GAB1: variants seen among roughly 807,000 people sequenced by gnomAD.
GAB1 encodes GRB2 associated binding protein 1.
GAB1 carries 19 observed loss-of-function variants against 66.5 expected under a neutral mutation model. The ratio of observed to expected loss-of-function variants is 0.29; its 90% CI spans 0.20 to 0.42. The LOEUF is 0.42. Among genes scored for constraint, GAB1 ranks in the 10% least tolerant of loss-of-function variants. The probability of loss-of-function intolerance (pLI) is 1.00; values close to 1 mark genes in which losing one functional copy is unlikely to be tolerated. For synonymous variants in GAB1, 294 were observed against 301.4 expected (o/e 0.98, Z 0.25); for missense variants, 732 against 858.5 (o/e 0.85, Z 1.84).
chr4:143,438,650 G>T (rs1033929073), intron 4 of GAB1, 50 bp downstream of exon 4: 27 of 1,545,656 alleles, frequency 1.7e-5, no homozygotes, highest in Non-Finnish European at 2.4e-5. Flanking sequence ...ATAGAAAATC[G>T]ATTTTTCTGA....
chr4:143,452,428 G>A (rs950691757), intron 6 of GAB1, among the ~76,000 whole-genome samples: 7 of 152,108 alleles, frequency 4.6e-5, no homozygotes, highest in African/African-American at 1.4e-4. Context: ...TCTAGTTAGC[G>A]TGTTTTCATT....
rs1422494622 is a variant in GAB1 at position 143,473,260 on chromosome 4, T to G, written c.*4071T>G. On this transcript the variant is annotated 3_prime_UTR_variant, in exon 10 of 10. Transcript: ENST00000262994. ...TCATCATCTTTTGTAAAGGTCCCAT[T>G]GTAGATCTTTTCTGCTACCAAATAA... is the stretch of plus-strand genomic sequence containing the variant. The G allele has an allele frequency of 6.6e-6, 1 of 152,212 alleles. No individual in the cohort carries two copies. Among genetic ancestry groups the G allele is most frequent in the East Asian group, 1.9e-4 (1 of 5,206 alleles). The allele number at this position is 152,212 out of a possible 1,614,324, so 9.4% of individuals were successfully genotyped here.
At chr4:143,406,011 A>G (rs1374470079) in intron 1 of GAB1, among the ~76,000 whole-genome samples, 1 of 151,388 alleles carries the variant, frequency 6.6e-6, no homozygotes, top group Non-Finnish European at 1.5e-5. Flanking sequence ...GCTGTGTAAG[A>G]CTCCTGTATG....
intron 1 of GAB1, among the ~76,000 whole-genome samples, chr4:143,343,093 A>G (rs1321513224): frequency 6.6e-6 from 1 of 152,120 alleles, no homozygotes; most frequent in Admixed American, 6.5e-5. Flanking sequence ...TGGTTTTGCC[A>G]TTACCCACCC....
At chr4:143,395,719 C>A in intron 1 of GAB1, 1 of 328,586 alleles carries the variant, frequency 3.0e-6, no homozygotes, top group Non-Finnish European at 6.0e-6. Flanking sequence ...GTTTTGAAAC[C>A]ATGTTCTTTT....
At chr4:143,397,272 A>G (rs1228270719) in intron 1 of GAB1, among the ~76,000 whole-genome samples, 6 of 152,232 alleles carry the variant, frequency 3.9e-5, no homozygotes, top group Admixed American at 2.6e-4. Flanking sequence ...GATTAATGCT[A>G]TAAGTTTAAT....
In GAB1 at chr4:143,339,516, T is replaced by C. The variant is rs577776067; in HGVS notation, c.72+2256T>C. Among the ~76,000 whole-genome samples, 44 of 152,202 alleles carry C rather than the reference T, an allele frequency of 2.9e-4. 1 individual carries two copies. In the South Asian group the frequency reaches 7.5e-3, roughly 26 times the overall value. On this transcript the variant is annotated intron_variant, in intron 1 of 9. Transcript: ENST00000262994. ...ACAGGGTGAGACTCCGTCTCAAAAATAGCAACAACAAAATAAAGGTCCTTT... is the reference window on the plus strand; with the variant it reads ...ACAGGGTGAGACTCCGTCTCAAAAACAGCAACAACAAAATAAAGGTCCTTT...
rs1291178449 is a variant in GAB1, at chr4:143,340,951, C to T, written c.72+3691C>T. Among the ~76,000 whole-genome samples the T allele has an allele frequency of 1.2e-4, 19 of 152,162 alleles. 1 individual carries two copies. Among genetic ancestry groups the T allele is most frequent in the Admixed American group, 1.2e-3 (19 of 15,280 alleles). On this transcript the variant is annotated intron_variant, in intron 1 of 9. Coordinates refer to ENST00000262994, the MANE Select transcript of GAB1 (RefSeq NM_002039.4). ...CTAGTGTGTTAGTCTGATGTGTAAG[C>T]TTTTCTTGAATTTTCTAAAGAATGA...
rs76535391 is a variant in GAB1 at position 143,357,034 on chromosome 4, T to C, written c.72+19774T>C. ...GACATGTCTCTGAAATACCTTTAGG[T>C]AATCTATCCTGGGTGGGTTTGAGTT... On this transcript the variant is annotated intron_variant, in intron 1 of 9. Transcript: ENST00000262994. Among the ~76,000 whole-genome samples the C allele has an allele frequency of 7.3e-3, 1,109 of 152,298 alleles. 13 individuals are homozygous for C. The highest frequency in any genetic ancestry group is 0.025 in the African/African-American group (1,059 of 41,576).
intron 1 of GAB1, among the ~76,000 whole-genome samples, chr4:143,359,659 T>A (rs190142436): frequency 6.6e-6 from 1 of 152,354 alleles, no homozygotes; most frequent in East Asian, 1.9e-4. Context: ...GTTGAGTATG[T>A]CCTTTTCATA....
At chr4:143,359,475 C>CT (rs1378044918) in intron 1 of GAB1, among the ~76,000 whole-genome samples, 5 of 152,168 alleles carry the variant, frequency 3.3e-5, no homozygotes, top group African/African-American at 1.2e-4. Context: ...GAGAACATTT[C>CT]CATGTGCTTT....
chr4:143,391,239 TG>T (rs1310688499), intron 1 of GAB1, among the ~76,000 whole-genome samples: 5 of 152,236 alleles, frequency 3.3e-5, no homozygotes, highest in Non-Finnish European at 7.3e-5. Context: ...AAAGAGCTTC[TG>T]TAACACAGAA....
intron 1 of GAB1, chr4:143,343,442 AG>A (rs1310341137): frequency 6.5e-6 from 1 of 154,716 alleles, no homozygotes; most frequent in African/African-American, 2.4e-5. Context: ...CTGTGTCTTG[AG>A]CCCCTGTGCA....
At position 143,438,352 on chromosome 4, in the gene GAB1, C is replaced by G; in HGVS notation, c.947C>G (p.Thr316Ser). Reference protein sequence around the residue: ...SYDIPPTPGNTYQIPRTFPEG... With the variant: ...SYDIPPTPGNSYQIPRTFPEG... The stretch of plus-strand genomic sequence containing the variant: ...GACATTCCTCCAACACCTGGTAATA[C>G]TTATCAGATTCCACGAACATTTCCA... Residue 316 changes from threonine (T) to serine (S), a missense_variant, in exon 4 of 10, where the codon ACT becomes AGT. Thr to Ser is a moderately conservative substitution (Grantham distance 58). This residue lies in a region of GAB1 where 427 missense variants were observed against 420.6 expected (regional missense o/e 1.02). Coordinates refer to ENST00000262994, the MANE Select transcript of GAB1 (RefSeq NM_002039.4). The G allele has an allele frequency of 6.2e-7, 1 of 1,614,106 alleles. No individual in the cohort carries two copies. Among genetic ancestry groups the G allele is most frequent in the South Asian group, 1.1e-5 (1 of 91,080 alleles).
chr4:143,380,948 A>G (rs1052358047), intron 1 of GAB1, among the ~76,000 whole-genome samples: 1 of 152,138 alleles, frequency 6.6e-6, no homozygotes. Flanking sequence ...TTACTGACCT[A>G]TCTTTCCTCC....
intron 1 of GAB1, among the ~76,000 whole-genome samples, chr4:143,365,839 C>T (rs776317138): frequency 1.8e-4 from 27 of 152,264 alleles, no homozygotes; most frequent in Middle Eastern, 3.4e-3. Flanking sequence ...AAAACTTTTC[C>T]GTTAGTTGGG....
At chr4:143,439,131 C>T (rs1234698526) in intron 4 of GAB1, among the ~76,000 whole-genome samples, 1 of 152,172 alleles carries the variant, frequency 6.6e-6, no homozygotes, top group Non-Finnish European at 1.5e-5. Context: ...CCCCTTATCA[C>T]TACCCACTTC....
chr4:143,433,465 G>T, intron 2 of GAB1, 26 bp from the exon 3 acceptor site: 2 of 1,548,642 alleles, frequency 1.3e-6, no homozygotes, highest in Non-Finnish European at 1.8e-6. Context: ...TGTGATAGAC[G>T]TGATAGTTAA....
chr4:143,388,522 C>A (rs1731025193), intron 1 of GAB1, among the ~76,000 whole-genome samples: 1 of 152,172 alleles, frequency 6.6e-6, no homozygotes, highest in Admixed American at 6.5e-5. Context: ...TCAAGGAATT[C>A]TCCTGCCTCA....
Sources: allele counts gnomAD v4.1 joint callset (sites outside exome capture counted in the v4.1 genomes callset), GRCh38; gene constraint gnomAD v4.1.1; regional missense constraint gnomAD v4.1.1; transcripts MANE v1.5; gene names NCBI Gene and HGNC (gene_info 2026-07-23, HGNC 2026-07-21).